The following FBXO30 variants were observed in gnomAD, a reference collection of about 807,000 sequenced individuals.
FBXO30 encodes the protein F-box protein 30.
Under a neutral mutation model 58.1 loss-of-function variants are expected in FBXO30, and 21 were observed. The observed-to-expected ratio is 0.36, with a 90% CI of 0.26 to 0.52. The LOEUF is 0.52. Among genes scored for constraint, FBXO30 ranks in the 20% least tolerant of loss-of-function variants. The probability of loss-of-function intolerance (pLI) is 0.93; values close to 1 mark genes in which losing one functional copy is unlikely to be tolerated. For synonymous variants in FBXO30, 309 were observed against 312.4 expected, an observed-to-expected ratio of 0.99 and a Z score of 0.11; for missense variants, 744 against 897.3, an observed-to-expected ratio of 0.83 and a Z score of 2.18.
intron 2 of FBXO30, 90 bp downstream of exon 2, chr6:145,804,282 A>G: frequency 5.8e-6 from 7 of 1,197,278 alleles, no homozygotes; most frequent in Admixed American, 2.6e-5. Context: ...GGAATGGTCA[A>G]TTTCTCAACA....
intron 1 of FBXO30, chr6:145,809,771 C>G (rs576142191): frequency 6.6e-6 from 1 of 152,136 alleles, no homozygotes; most frequent in Non-Finnish European, 1.5e-5. Context: ...TTTATAACAA[C>G]CTGGAGGAAA....
At chr6:145,813,555 G>T (rs1778394040) in intron 1 of FBXO30, among the ~76,000 whole-genome samples, 1 of 152,072 alleles carries the variant, frequency 6.6e-6, no homozygotes, top group South Asian at 2.1e-4. Flanking sequence ...GTCAACAATT[G>T]GACTGCTTTG....
intron 1 of FBXO30, among the ~76,000 whole-genome samples, chr6:145,807,971 A>G (rs1778225693): frequency 6.6e-6 from 1 of 151,932 alleles, no homozygotes. Context: ...CTACAAAATA[A>G]AAACAAAAAA....
At chr6:145,807,408 T>C (rs545435163) in intron 1 of FBXO30, among the ~76,000 whole-genome samples, 2 of 152,290 alleles carry the variant, frequency 1.3e-5, no homozygotes, top group African/African-American at 4.8e-5. Context: ...TAATAGCATA[T>C]GCAAATACAG....
At chr6:145,810,489 C>T (rs1329018767) in intron 1 of FBXO30, among the ~76,000 whole-genome samples, 1 of 152,178 alleles carries the variant, frequency 6.6e-6, no homozygotes, top group Non-Finnish European at 1.5e-5. Context: ...ACTAACATCT[C>T]TAATAATTTA....
rs1350905636 is a variant in FBXO30 at position 145,804,407 on chromosome 6, G to C, written c.1999C>G (p.Pro667Ala). The C allele has an allele frequency of 3.1e-6, 5 of 1,613,060 alleles. No homozygotes were observed. The South Asian group carries it at 5.5e-5, about 18-fold the overall frequency. ...VILQWGKRKY[P>A]EGNSSWQIKE... The stretch of plus-strand genomic sequence containing the variant: ...ATCTGCCATGATGAATTTCCTTCTG[G>C]ATACTTCCTTTTCCCCCACTGCAGT... The change falls in exon 2 of 3, where the codon CCA (proline) becomes GCA (alanine). Residue 667 changes from proline to alanine, a missense_variant. Physicochemically the swap from Pro to Ala is conservative, Grantham distance 27 (BLOSUM62 -1). This residue lies in a region of FBXO30 where 334 missense variants were observed against 433.7 expected (regional missense o/e 0.77). Coordinates refer to ENST00000237281, the MANE Select transcript of FBXO30 (RefSeq NM_032145.5).
In FBXO30 at chr6:145,794,863, T is replaced by A. The variant is rs1777839202; in HGVS notation, c.*5243A>T. 1 of 151,798 alleles carries A rather than the reference T, an allele frequency of 6.6e-6. No homozygotes were observed. The highest frequency in any genetic ancestry group is 2.4e-5 in the African/African-American group (1 of 41,392). The allele number at this position is 151,798 out of a possible 1,614,324, so 9.4% of individuals were successfully genotyped here. On this transcript the variant is annotated 3_prime_UTR_variant, in exon 3 of 3. Coordinates refer to ENST00000237281, the MANE Select transcript of FBXO30 (RefSeq NM_032145.5). ...ATAAGTTACTTAAATCTAAAATTAC[T>A]GACGAAAATGACTAAATTCAGGGTC... is the stretch of plus-strand genomic sequence containing the variant.
chr6:145,811,322 T>C (rs891972614), intron 1 of FBXO30, among the ~76,000 whole-genome samples: 5 of 152,194 alleles, frequency 3.3e-5, no homozygotes, highest in Non-Finnish European at 7.3e-5. Context: ...AATTACTTCA[T>C]TGTATTGGCC....
At position 145,804,527 on chromosome 6, in the gene FBXO30, A is replaced by G; in HGVS notation, c.1879T>C (p.Phe627Leu). 6.2e-7 allele frequency: 1 copy of G among 1,613,790 alleles called. No individual in the cohort carries two copies. The highest frequency in any genetic ancestry group is 1.1e-5 in the South Asian group (1 of 91,064). ...TGACATAAGCTGAAGCCATCGAGAA[A>G]GCCTGCAATATGCTGCAGGACCTCA... ...PFEVLQHIAG[F>L]LDGFSLCQLS... Residue 627 changes from phenylalanine (F) to leucine (L), a missense_variant, in exon 2 of 3, where the codon TTT (phenylalanine) becomes CTT (leucine). Around this residue, in one of 3 missense-constraint regions of FBXO30, gnomAD observed 334 missense variants for 433.7 expected, o/e 0.77. Coordinates refer to ENST00000237281, the MANE Select transcript of FBXO30 (RefSeq NM_032145.5).
intron 1 of FBXO30, among the ~76,000 whole-genome samples, chr6:145,812,197 AT>A (rs917222583): frequency 1.3e-5 from 2 of 152,044 alleles, no homozygotes; most frequent in Non-Finnish European, 2.9e-5. Context: ...GACTTTTTTC[AT>A]GTTTTATTGT....
intron 1 of FBXO30, chr6:145,809,659 C>A (rs1303671680): frequency 1.1e-4 from 17 of 152,164 alleles, no homozygotes. Flanking sequence ...TTCAAAAAAG[C>A]ATCCATAGCA....
chr6:145,802,880 G>C (rs1048260729), intron 2 of FBXO30, among the ~76,000 whole-genome samples: 4 of 151,954 alleles, frequency 2.6e-5, no homozygotes, highest in African/African-American at 9.7e-5. Context: ...AATAAAGGGG[G>C]GAGAAAAAGC....
In FBXO30 at chr6:145,804,996, T is replaced by C; in HGVS notation, c.1410A>G (p.Thr470=). 6.2e-7 allele frequency: 1 copy of C among 1,613,872 alleles called. No homozygotes were observed. Among genetic ancestry groups the C allele is most frequent in the Non-Finnish European group, 8.5e-7 (1 of 1,179,912 alleles). ...TFSLPSAILA[T]STMVGEIASA... is the part of the protein sequence containing the mutation. ...AAGCTATCTCCCCAACCATTGTACT[T>C]GTAGCTAATATTGCAGATGGAAGTG... The change falls in exon 2 of 3, where the codon ACA becomes ACG. Residue 470 remains threonine (T), a synonymous_variant. Coordinates refer to ENST00000237281, the MANE Select transcript of FBXO30 (RefSeq NM_032145.5).
Position 145,805,704 on chromosome 6 carries a change from T to C in FBXO30, c.702A>G (p.Lys234=), listed in dbSNP as rs1232360599. 2 of 1,614,094 alleles carry C rather than the reference T, an allele frequency of 1.2e-6. No homozygotes were observed. Among genetic ancestry groups the C allele is most frequent in the African/African-American group, 2.7e-5 (2 of 75,060 alleles). The stretch of plus-strand genomic sequence containing the variant: ...CCTCCTCATAAAGATGATCTTGGTC[T>C]TTCAAGTTTTGATCCTCTAAGCTTT... ...ARESLEDQNL[K]DQDHLYEEEI... Residue 234 remains lysine, a synonymous_variant, in exon 2 of 3, where the codon AAA becomes AAG. Transcript: ENST00000237281.
In FBXO30 at chr6:145,806,157, A is replaced by G. The variant is rs762502436; in HGVS notation, c.249T>C (p.Cys83=). The change falls in exon 2 of 3, where the codon TGT becomes TGC. Residue 83 remains cysteine (C), a synonymous_variant. Transcript: ENST00000237281. ...TAGTACAGCACACCACACTTGCAGGACACATTTCTAGATGTTCAGCAACTT... is the reference window on the plus strand; with the variant it reads ...TAGTACAGCACACCACACTTGCAGGGCACATTTCTAGATGTTCAGCAACTT... ...RNKVAEHLEM[C]PASVVCCTME... The G allele has an allele frequency of 2.5e-5, 41 of 1,614,110 alleles. 1 individual carries two copies. In the South Asian group the frequency reaches 3.7e-4, roughly 15 times the overall value.
rs1402402332 is a variant in FBXO30, at chr6:145,805,671, TC to T, written c.734del (p.Gly245GlufsTer3). The T allele has an allele frequency of 6.2e-7, 1 of 1,614,132 alleles. No homozygotes were observed. On this transcript the variant is annotated frameshift_variant, in exon 2 of 3. Coordinates refer to ENST00000237281, the MANE Select transcript of FBXO30 (RefSeq NM_032145.5). LOFTEE classifies it high-confidence loss of function. ...DQDHLYEEEI[G>X]AVGGIDYNDT... ...CATTGTAGTCAATTCCACCTACTGCTCCTATTTCCTCCTCATAAAGATGATC... is the reference window on the plus strand; with the variant it reads ...CATTGTAGTCAATTCCACCTACTGCTCTATTTCCTCCTCATAAAGATGATC...
chr6:145,800,060 A>T lies in FBXO30; in HGVS notation c.*46T>A. 7.1e-7 allele frequency: 1 copy of T among 1,410,226 alleles called. No homozygotes were observed. Among genetic ancestry groups the T allele is most frequent in the Non-Finnish European group, 9.9e-7 (1 of 1,006,812 alleles). 87.4% of individuals were successfully genotyped at this position (1,410,226 alleles called of 1,614,324 possible). A position where few individuals can be genotyped will look rare whatever the true frequency, so the allele number is the denominator to read the frequency against. ...AATAAAGTTTCACATATTACAAAGA[A>T]ATTATACTAGGTGCTTGCATATATG... is the stretch of plus-strand genomic sequence containing the variant. On this transcript the variant is annotated 3_prime_UTR_variant, in exon 3 of 3. Transcript: ENST00000237281.
intron 1 of FBXO30, among the ~76,000 whole-genome samples, chr6:145,810,339 T>C (rs1778298930): frequency 6.6e-6 from 1 of 152,186 alleles, no homozygotes; most frequent in African/African-American, 2.4e-5. Context: ...ATCCTCTTCC[T>C]AATCAAGACC....
In FBXO30 at chr6:145,805,632, A is replaced by C. The variant is rs201455189; in HGVS notation, c.774T>G (p.Asn258Lys). Residue 258 changes from asparagine (N) to lysine (K), a missense_variant, in exon 2 of 3, where the codon AAT (asparagine) becomes AAG (lysine). By Grantham distance (94) the Asn-to-Lys change is moderately conservative. Around this residue, in one of 3 missense-constraint regions of FBXO30, gnomAD observed 275 missense variants for 262.0 expected, o/e 1.05. Coordinates refer to ENST00000237281, the MANE Select transcript of FBXO30 (RefSeq NM_032145.5). ...GGIDYNDTNQ[N>K]AQSEQNGSSD... ...TTGAACCATTTTGTTCAGACTGGGC[A>C]TTCTGATTTGTGTCATTGTAGTCAA... 1.9e-5 allele frequency: 31 copies of C among 1,613,986 alleles called. No individual in the cohort carries two copies. Among genetic ancestry groups the C allele is most frequent in the African/African-American group, 4.0e-5 (3 of 74,934 alleles).
Sources: allele counts gnomAD v4.1 joint callset (sites outside exome capture counted in the v4.1 genomes callset), GRCh38; gene constraint gnomAD v4.1.1; regional missense constraint gnomAD v4.1.1; transcripts MANE v1.5; gene names NCBI Gene and HGNC (gene_info 2026-07-23, HGNC 2026-07-21).